PHKB: variants seen among roughly 807,000 people sequenced by gnomAD.
The protein encoded by PHKB is phosphorylase b kinase regulatory subunit beta.
PHKB carries 122 observed loss-of-function variants against 152.1 expected under a neutral mutation model. That is an observed-to-expected ratio of 0.80 (90% confidence interval 0.69 to 0.93). PHKB has a LOEUF of 0.93. Ranked by LOEUF, PHKB falls within the 40% of genes least tolerant of loss-of-function variation. The pLI is 0.00. For missense variants in PHKB, 1,304 were observed against 1,328.4 expected, an observed-to-expected ratio of 0.98 and a Z score of 0.29; for synonymous variants, 436 against 464.9, an observed-to-expected ratio of 0.94 and a Z score of 0.80.
chr16:47,634,964 T>C (rs1213560524), intron 14 of PHKB, among the ~76,000 whole-genome samples: 2 of 152,130 alleles, frequency 1.3e-5, no homozygotes, highest in Non-Finnish European at 2.9e-5. Flanking sequence ...TTTACACTTT[T>C]TAATTACTGT....
At chr16:47,688,970 ATTGCT>A in intron 26 of PHKB, 66 bp from the exon 27 acceptor site, 3 of 1,536,854 alleles carry the variant, frequency 2.0e-6, no homozygotes, top group Non-Finnish European at 2.7e-6. Flanking sequence ...TATTAAGGGC[ATTGCT>A]GAGAGAAGCA....
intron 11 of PHKB, among the ~76,000 whole-genome samples, chr16:47,593,846 C>A (rs1972073421): frequency 6.6e-6 from 1 of 151,964 alleles, no homozygotes; most frequent in African/African-American, 2.4e-5. Flanking sequence ...TAGTAGAAAT[C>A]ATTAATACTG....
chr16:47,473,210 C>A (rs1443445474), intron 1 of PHKB, among the ~76,000 whole-genome samples: 2 of 119,330 alleles, frequency 1.7e-5, no homozygotes, highest in Non-Finnish European at 3.6e-5. Flanking sequence ...CACTACCATG[C>A]CTGGCTAATT....
intron 7 of PHKB, among the ~76,000 whole-genome samples, chr16:47,550,635 A>G (rs1439255548): frequency 2.0e-5 from 3 of 152,116 alleles, no homozygotes; most frequent in Non-Finnish European, 2.9e-5. Flanking sequence ...CACTGAGTAC[A>G]TCCCTTCTAA....
intron 7 of PHKB, among the ~76,000 whole-genome samples, chr16:47,556,921 C>G (rs1205947321): frequency 6.6e-6 from 1 of 152,248 alleles, no homozygotes; most frequent in South Asian, 2.1e-4. Context: ...GGTTGGCAAG[C>G]TATTGATTAT....
intron 8 of PHKB, among the ~76,000 whole-genome samples, chr16:47,581,851 T>C (rs2151693609): frequency 6.6e-6 from 1 of 152,264 alleles, no homozygotes; most frequent in African/African-American, 2.4e-5. Context: ...GGCTAATTTT[T>C]GTATTTTTAG....
intron 10 of PHKB, among the ~76,000 whole-genome samples, chr16:47,589,796 TC>T (rs1402920691): frequency 1.3e-5 from 2 of 152,202 alleles, no homozygotes; most frequent in African/African-American, 4.8e-5. Context: ...TTTGTTTCTT[TC>T]CTTTTGAGAT....
At chr16:47,693,345 C>T in intron 27 of PHKB, 33 bp from the exon 28 acceptor site, 4 of 1,613,010 alleles carry the variant, frequency 2.5e-6, no homozygotes, top group Non-Finnish European at 3.4e-6. Context: ...CAAGCTTGTT[C>T]TTCAACTCTG....
intron 8 of PHKB, among the ~76,000 whole-genome samples, chr16:47,583,994 G>C (rs907387725): frequency 2.6e-5 from 4 of 151,188 alleles, no homozygotes; most frequent in Admixed American, 2.6e-4. Flanking sequence ...TTTTTGCTTT[G>C]GTTATGATTA....
chr16:47,612,946 G>C (rs965041647), intron 14 of PHKB, among the ~76,000 whole-genome samples: 3 of 152,132 alleles, frequency 2.0e-5, no homozygotes, highest in African/African-American at 7.2e-5. Context: ...TGAAATGTTG[G>C]TGTCAGTAGC....
intron 5 of PHKB, 31 bp downstream of exon 5, chr16:47,511,803 T>C: frequency 7.6e-7 from 1 of 1,315,120 alleles, no homozygotes; most frequent in Non-Finnish European, 1.1e-6. Context: ...TTATTCTCCT[T>C]ATATTATATA....
Position 47,650,569 on chromosome 16 carries a change from A to G in PHKB, c.1823A>G (p.Tyr608Cys), listed in dbSNP as rs183496853. ...AATGCGCTGCAGTTCATTAAACAAT[A>G]TTGGAAAATGCATGGACGTCCACTT... ...IKNALQFIKQYWKMHGRPLFL... is the reference protein window; with the variant it reads ...IKNALQFIKQCWKMHGRPLFL... The change falls in exon 19 of 31, where the codon TAT becomes TGT. Residue 608 changes from tyrosine (Y) to cysteine (C), a missense_variant. Transcript: ENST00000323584. 4 of 1,609,524 alleles carry G rather than the reference A, an allele frequency of 2.5e-6. No individual in the cohort carries two copies. In the East Asian group the frequency reaches 6.7e-5, roughly 27 times the overall value.
intron 13 of PHKB, among the ~76,000 whole-genome samples, chr16:47,600,651 C>T (rs1972206626): frequency 6.6e-6 from 1 of 152,168 alleles, no homozygotes; most frequent in African/African-American, 2.4e-5. Context: ...TAGCCTATTG[C>T]TCCTAGACTA....
intron 6 of PHKB, among the ~76,000 whole-genome samples, chr16:47,535,788 T>G (rs1213875933): frequency 6.6e-6 from 1 of 152,224 alleles, no homozygotes; most frequent in East Asian, 1.9e-4. Flanking sequence ...TTTGCATTAT[T>G]GTCTTAATGA....
intron 13 of PHKB, among the ~76,000 whole-genome samples, chr16:47,607,462 C>T (rs1972347026): frequency 6.6e-6 from 1 of 152,206 alleles, no homozygotes; most frequent in Non-Finnish European, 1.5e-5. Flanking sequence ...GCTTCTTTCA[C>T]TTAACATAAT....
chr16:47,602,136 A>G (rs1972239101), intron 13 of PHKB, among the ~76,000 whole-genome samples: 1 of 152,008 alleles, frequency 6.6e-6, no homozygotes, highest in African/African-American at 2.4e-5. Context: ...TCATAGCTCA[A>G]TGGAGTCCCA....
chr16:47,473,218 A>ATTTTTTTCTTT (rs1969807742), intron 1 of PHKB, among the ~76,000 whole-genome samples: 3 of 48,768 alleles, frequency 6.2e-5, no homozygotes, highest in African/African-American at 2.3e-4. Flanking sequence ...TGCCTGGCTA[A>ATTTTTTTCTTT]TTTTTTTTTT....
intron 7 of PHKB, among the ~76,000 whole-genome samples, chr16:47,556,664 G>A (rs1159658146): frequency 2.0e-5 from 3 of 152,202 alleles, no homozygotes; most frequent in Middle Eastern, 3.4e-3. Context: ...TGCTGGATTC[G>A]GTTTGCCAGT....
chr16:47,464,844 G>A (rs1969639743), intron 1 of PHKB, among the ~76,000 whole-genome samples: 1 of 152,164 alleles, frequency 6.6e-6, no homozygotes. Context: ...AAGCCTGCTG[G>A]TAAGAGATTA....
Sources: gnomAD v4.1 joint callset for allele counts (sites outside exome capture counted in the v4.1 genomes callset) on GRCh38, gnomAD v4.1.1 for gene constraint, MANE v1.5 for transcripts, NCBI Gene and HGNC (gene_info 2026-07-23, HGNC 2026-07-21) for gene names.